The following SERINC5 variants were observed in gnomAD, a reference collection of about 807,000 sequenced individuals.
SERINC5 encodes serine incorporator 5, also known as chromosome 5 open reading frame 12.
A neutral mutation model predicts 63.1 loss-of-function variants in SERINC5; 41 were observed. The ratio of observed to expected loss-of-function variants is 0.65; its 90% confidence interval spans 0.51 to 0.84. The LOEUF (loss-of-function observed/expected upper bound fraction) is 0.84, where lower values mean the gene tolerates loss of function less well. SERINC5 is among the 40% of genes least tolerant of loss of function. The probability of loss-of-function intolerance (pLI) is 0.00; values close to 1 mark genes in which losing one functional copy is unlikely to be tolerated. For synonymous variants in SERINC5, 222 were observed against 215.2 expected (o/e 1.03, Z -0.28); for missense variants, 523 against 573.0 (o/e 0.91, Z 0.89).
chr5:80,189,897 A>G (rs916788790), intron 2 of SERINC5, among the ~76,000 whole-genome samples: 10 of 151,942 alleles, frequency 6.6e-5, no homozygotes, highest in African/African-American at 2.4e-4. Context: ...TTTTGTAGAG[A>G]CAGGGTTTTA....
chr5:80,151,598 T>G (rs1746184698), intron 8 of SERINC5, among the ~76,000 whole-genome samples: 1 of 152,170 alleles, frequency 6.6e-6, no homozygotes, highest in African/African-American at 2.4e-5. Context: ...AAGGATCACT[T>G]GAGGCCAGGA....
intron 11 of SERINC5, among the ~76,000 whole-genome samples, chr5:80,124,000 GGA>G (rs768068568): frequency 3.3e-4 from 51 of 152,286 alleles, no homozygotes; most frequent in Middle Eastern, 3.4e-3. Context: ...AGTGAAGGAA[GGA>G]GAGAGAGGTA....
chr5:80,155,472 C>T (rs1746458692), intron 8 of SERINC5, among the ~76,000 whole-genome samples: 1 of 151,146 alleles, frequency 6.6e-6, no homozygotes, highest in Admixed American at 6.6e-5. Flanking sequence ...CCTCAGGAGG[C>T]TGAGGCAGGA....
chr5:80,164,637 A>T (rs1457844468), intron 7 of SERINC5, among the ~76,000 whole-genome samples: 1 of 151,302 alleles, frequency 6.6e-6, no homozygotes, highest in Non-Finnish European at 1.5e-5. Context: ...GCCTGCCTCA[A>T]CCTCCCAAAG....
chr5:80,214,568 A>AAT (rs10679430), intron 1 of SERINC5, among the ~76,000 whole-genome samples: 2 of 151,448 alleles, frequency 1.3e-5, no homozygotes, highest in African/African-American at 4.9e-5. Flanking sequence ...AACAAAAAAA[A>AAT]AACGAACAAA....
Position 80,143,483 on chromosome 5 carries a change from G to C in SERINC5, c.*180C>G. On this transcript the variant is annotated 3_prime_UTR_variant, in exon 12 of 12. Coordinates refer to ENST00000507668, the MANE Select transcript of SERINC5 (RefSeq NM_001174072.3). ...AATTTCAATTCCTTTGGGACAAACTGGTAGTTTCTTTTTGAATTTCAAAAG... is the reference window on the plus strand; with the variant it reads ...AATTTCAATTCCTTTGGGACAAACTCGTAGTTTCTTTTTGAATTTCAAAAG... 1 of 1,360,518 alleles carries C rather than the reference G, an allele frequency of 7.4e-7. No homozygotes were observed. Among genetic ancestry groups the C allele is most frequent in the Non-Finnish European group, 9.4e-7 (1 of 1,059,582 alleles). The allele number at this position is 1,360,518 out of a possible 1,614,324, so 84.3% of individuals were successfully genotyped here. A position where few individuals can be genotyped will look rare whatever the true frequency, so the allele number is the denominator to read the frequency against.
chr5:80,249,229 G>C (rs1372046083), intron 1 of SERINC5, among the ~76,000 whole-genome samples: 2 of 151,528 alleles, frequency 1.3e-5, no homozygotes, highest in African/African-American at 4.9e-5. Context: ...GCGGGAGAAT[G>C]GTGTGAACCT....
At chr5:80,178,337 T>TA (rs1748176356) in intron 2 of SERINC5, among the ~76,000 whole-genome samples, 1 of 147,378 alleles carries the variant, frequency 6.8e-6, no homozygotes, top group Non-Finnish European at 1.5e-5. Flanking sequence ...ACCTTTTTTT[T>TA]AACCGCCCCC....
intron 1 of SERINC5, among the ~76,000 whole-genome samples, chr5:80,237,973 G>A (rs531920383): frequency 2.6e-4 from 39 of 151,484 alleles, no homozygotes; most frequent in African/African-American, 7.7e-4. Flanking sequence ...GCGTGGTGGC[G>A]CGCGCCTGTA....
Position 80,140,063 on chromosome 5 carries a change from T to G in SERINC5, c.*3600A>C. 1 of 984,482 alleles carries G rather than the reference T, an allele frequency of 1.0e-6. No individual in the cohort carries two copies. Among genetic ancestry groups the G allele is most frequent in the Non-Finnish European group, 1.2e-6 (1 of 829,184 alleles). The allele number at this position is 984,482 out of a possible 1,614,324, so 61.0% of individuals were successfully genotyped here. ...GCAGAGGGTAGGCTGCGTGCAGTGGTTTACGCCTATAATCCCAGCACTTTG... is the reference window on the plus strand; with the variant it reads ...GCAGAGGGTAGGCTGCGTGCAGTGGGTTACGCCTATAATCCCAGCACTTTG... On this transcript the variant is annotated 3_prime_UTR_variant, in exon 12 of 12. Transcript: ENST00000507668.
intron 7 of SERINC5, among the ~76,000 whole-genome samples, chr5:80,159,455 T>G (rs1746750516): frequency 6.6e-6 from 1 of 152,018 alleles, no homozygotes; most frequent in Admixed American, 6.6e-5. Context: ...TTAATGTGAG[T>G]GGCTACATGT....
chr5:80,251,955 C>T (rs1334954621), intron 1 of SERINC5, among the ~76,000 whole-genome samples: 1 of 152,162 alleles, frequency 6.6e-6, no homozygotes, highest in African/African-American at 2.4e-5. Flanking sequence ...GCAAGCCCTC[C>T]CAATCCCTAT....
rs1040637060 is a variant in SERINC5 at position 80,143,592 on chromosome 5, C to A, written c.*71G>T. The A allele has an allele frequency of 1.3e-6, 2 of 1,497,474 alleles. No individual in the cohort carries two copies. The highest frequency in any genetic ancestry group is 8.9e-7 in the Non-Finnish European group (1 of 1,122,176). The allele number at this position is 1,497,474 out of a possible 1,614,324, so 92.8% of individuals were successfully genotyped here. On this transcript the variant is annotated 3_prime_UTR_variant, in exon 12 of 12. Coordinates refer to ENST00000507668, the MANE Select transcript of SERINC5 (RefSeq NM_001174072.3). ...AGGCACAGGGCGCCAGTCCCTGCCC[C>A]GGGGACACTGTTCAAAAGATGGCAC...
chr5:80,209,379 C>T (rs982674164), intron 1 of SERINC5, among the ~76,000 whole-genome samples: 2 of 152,174 alleles, frequency 1.3e-5, no homozygotes, highest in Non-Finnish European at 2.9e-5. Flanking sequence ...CACAACAACA[C>T]GGTGGCCATG....
At chr5:80,255,350 G>C (rs985551139) in intron 1 of SERINC5, among the ~76,000 whole-genome samples, 7 of 152,036 alleles carry the variant, frequency 4.6e-5, no homozygotes, top group African/African-American at 1.7e-4. Flanking sequence ...TTTTCCCTTC[G>C]CCCAGACCTG....
In SERINC5 at chr5:80,139,743, TCCACA is replaced by T. The variant is rs1215742892; in HGVS notation, c.*3915_*3919del. Reference sequence around the variant, plus strand: ...TTACAGGAAATAGCCTTCAGTAAATTCCACAAGCCAAGTGGCTACTGCATTGTCCC... The same window carrying T: ...TTACAGGAAATAGCCTTCAGTAAATTAGCCAAGTGGCTACTGCATTGTCCC... On this transcript the variant is annotated 3_prime_UTR_variant, in exon 12 of 12. Transcript: ENST00000507668. 5.1e-6 allele frequency: 5 copies of T among 985,336 alleles called. No homozygotes were observed. Among genetic ancestry groups the T allele is most frequent in the Non-Finnish European group, 6.0e-6 (5 of 829,958 alleles). 61.0% of individuals were successfully genotyped at this position (985,336 alleles called of 1,614,324 possible).
rs1580050827 is a variant in SERINC5 at position 80,140,791 on chromosome 5, A to G, written c.*2872T>C. The G allele has an allele frequency of 1.0e-6, 1 of 985,218 alleles. No homozygotes were observed. The highest frequency in any genetic ancestry group is 6.2e-5 in the Admixed American group (1 of 16,244). The allele number at this position is 985,218 out of a possible 1,614,324, so 61.0% of individuals were successfully genotyped here. A position where few individuals can be genotyped will look rare whatever the true frequency, so the allele number is the denominator to read the frequency against. ...TGAGGGGAAAACTTTTCTACATCAG[A>G]CAAATCACACAGAGGAAATATTCAC... On this transcript the variant is annotated 3_prime_UTR_variant, in exon 12 of 12. Coordinates refer to ENST00000507668, the MANE Select transcript of SERINC5 (RefSeq NM_001174072.3).
intron 8 of SERINC5, 140 bp downstream of exon 8, chr5:80,158,696 C>T (rs1019257915): frequency 9.7e-5 from 72 of 739,264 alleles, no homozygotes; most frequent in South Asian, 5.6e-4. Flanking sequence ...TATGAGTTCA[C>T]GCTCTTCGCC....
intron 1 of SERINC5, among the ~76,000 whole-genome samples, chr5:80,249,109 T>C (rs1004380241): frequency 1.3e-5 from 2 of 151,616 alleles, no homozygotes; most frequent in Non-Finnish European, 2.9e-5. Context: ...GGTCAGGAGA[T>C]CGAGACCATC....
Sources: allele counts gnomAD v4.1 joint callset (sites outside exome capture counted in the v4.1 genomes callset), GRCh38; gene constraint gnomAD v4.1.1; transcripts MANE v1.5; gene names NCBI Gene and HGNC (gene_info 2026-07-23, HGNC 2026-07-21).